The following DOCK1 variants were observed in gnomAD, a reference collection of about 807,000 sequenced individuals.
DOCK1 encodes the protein dedicator of cytokinesis 1.
DOCK1 carries 138 observed loss-of-function variants against 262.7 expected under a neutral mutation model. The observed-to-expected ratio is 0.53, with a 90% confidence interval of 0.46 to 0.61. DOCK1 has a LOEUF of 0.61. Among genes scored for constraint, DOCK1 ranks in the 20% least tolerant of loss-of-function variants. The pLI is 0.00. For synonymous variants in DOCK1, 866 were observed against 867.4 expected, an observed-to-expected ratio of 1.00 and a Z score of 0.03; for missense variants, 1,908 against 2,370.7, an observed-to-expected ratio of 0.80 and a Z score of 4.05.
At chr10:127,318,724 G>C (rs1175166213) in intron 29 of DOCK1, among the ~76,000 whole-genome samples, 1 of 152,208 alleles carries the variant, frequency 6.6e-6, no homozygotes, top group East Asian at 1.9e-4. Context: ...ATGTCGTGCT[G>C]AATAAGCCTG....
chr10:127,202,791 G>A (rs2057531872), intron 27 of DOCK1, among the ~76,000 whole-genome samples: 1 of 152,182 alleles, frequency 6.6e-6, no homozygotes, highest in African/African-American at 2.4e-5. Flanking sequence ...CCACAGATGT[G>A]GATCAGAGAA....
At chr10:127,196,954 C>T (rs1283752014) in intron 27 of DOCK1, among the ~76,000 whole-genome samples, 2 of 152,128 alleles carry the variant, frequency 1.3e-5, no homozygotes, top group Non-Finnish European at 2.9e-5. Context: ...GCATGACTGT[C>T]TGCTGTGCCA....
At position 127,439,115 on chromosome 10, in the gene DOCK1, G is replaced by T. The variant is rs2069896207; in HGVS notation, c.5149G>T (p.Asp1717Tyr). 1 of 1,586,248 alleles carries T rather than the reference G, an allele frequency of 6.3e-7. No homozygotes were observed. The highest frequency in any genetic ancestry group is 1.3e-5 in the African/African-American group (1 of 74,362). ...DKDDLEKEKK[D>Y]KKKEKRNSKH... ...GGATGACCTGGAGAAGGAGAAGAAG[G>T]ACAAGAAGAAGGAAAAAAGGAACAG... The change falls in exon 49 of 52, where the codon GAC (aspartate) becomes TAC (tyrosine). Residue 1717 changes from aspartate (D) to tyrosine (Y), a missense_variant. Around this residue, in one of 9 missense-constraint regions of DOCK1, gnomAD observed 383 missense variants for 420.1 expected, o/e 0.91. Transcript: ENST00000623213.
intron 27 of DOCK1, among the ~76,000 whole-genome samples, chr10:127,236,998 T>C (rs1410978236): frequency 2.0e-5 from 3 of 152,164 alleles, no homozygotes; most frequent in South Asian, 4.1e-4. Flanking sequence ...TGTCTGCCTT[T>C]GAAACCTTTA....
rs762821987 is a variant in DOCK1, at chr10:127,433,198, A to C, written c.4915-85A>C. 3.2e-6 allele frequency: 5 copies of C among 1,561,162 alleles called. No homozygotes were observed. In the African/African-American group the frequency reaches 4.1e-5, roughly 13 times the overall value. On this transcript the variant is annotated intron_variant, in intron 47 of 51. Coordinates refer to ENST00000623213, the MANE Select transcript of DOCK1 (RefSeq NM_001290223.2). ...AACGATGATGGTCTCGATTCCACAC[A>C]GCTAAGGCCACTTTATCTCAGGAGT...
At chr10:127,026,096 T>C in intron 15 of DOCK1, 1 of 418,056 alleles carries the variant, frequency 2.4e-6, no homozygotes, top group South Asian at 2.7e-5. Context: ...ATCTTAACAG[T>C]AATGGTCAGA....
intron 44 of DOCK1, among the ~76,000 whole-genome samples, chr10:127,416,655 G>A (rs1026869836): frequency 2.6e-5 from 4 of 152,212 alleles, no homozygotes; most frequent in African/African-American, 9.6e-5. Context: ...AACCCCCGTG[G>A]GATATCTGTG....
In DOCK1 at chr10:127,061,664, G is replaced by A; in HGVS notation, c.2337-4G>A. 6.3e-7 allele frequency: 1 copy of A among 1,591,612 alleles called. No individual in the cohort carries two copies. The highest frequency in any genetic ancestry group is 8.6e-7 in the Non-Finnish European group (1 of 1,168,588). ...GCCCCCACAGTTTGTGTGTTTCTTT[G>A]CAGACTGTATGAAAACAAGGGAGAG... On this transcript the variant is annotated splice_region_variant and splice_polypyrimidine_tract_variant and intron_variant, in intron 22 of 51. Transcript: ENST00000623213.
At chr10:127,418,954 G>A (rs2134469381) in intron 45 of DOCK1, among the ~76,000 whole-genome samples, 1 of 152,358 alleles carries the variant, frequency 6.6e-6, no homozygotes, top group African/African-American at 2.4e-5. Context: ...TCCTAGCTCT[G>A]TAGGAATGGG....
At chr10:127,087,309 A>G (rs1266616182) in intron 23 of DOCK1, among the ~76,000 whole-genome samples, 1 of 152,202 alleles carries the variant, frequency 6.6e-6, no homozygotes, top group Non-Finnish European at 1.5e-5. Flanking sequence ...GGATGCTGAG[A>G]AGTTCTGTGA....
At chr10:126,950,363 C>T (rs1485302711) in intron 1 of DOCK1, among the ~76,000 whole-genome samples, 2 of 152,114 alleles carry the variant, frequency 1.3e-5, no homozygotes, top group Admixed American at 1.3e-4. Flanking sequence ...GATTGGAGGT[C>T]TGGTCTGTGC....
In DOCK1 at chr10:127,285,287, G is replaced by C. The variant is rs536749910; in HGVS notation, c.3044+27858G>C. ...AAAAATAGCTTTTTATTTTAATTTT[G>C]ATTAGATTTGCATTAGAGCTCAGTA... On this transcript the variant is annotated intron_variant, in intron 29 of 51. Transcript: ENST00000623213. Among the ~76,000 whole-genome samples the C allele has an allele frequency of 2.0e-5, 3 of 152,200 alleles. No individual in the cohort carries two copies. In the South Asian group the frequency reaches 6.2e-4, roughly 32 times the overall value.
Position 127,248,000 on chromosome 10 carries a change from A to C in DOCK1, c.2848-8A>C. Reference sequence around the variant, plus strand: ...CTCATCTAATTCTATCTTTTGATTCATTTACAGGGAAACTTCGTGGCTTGC... The same window carrying C: ...CTCATCTAATTCTATCTTTTGATTCCTTTACAGGGAAACTTCGTGGCTTGC... On this transcript the variant is annotated splice_polypyrimidine_tract_variant and splice_region_variant and intron_variant, in intron 27 of 51. Coordinates refer to ENST00000623213, the MANE Select transcript of DOCK1 (RefSeq NM_001290223.2). 6.2e-7 allele frequency: 1 copy of C among 1,613,278 alleles called. No homozygotes were observed. The highest frequency in any genetic ancestry group is 1.1e-5 in the South Asian group (1 of 90,962).
intron 27 of DOCK1, among the ~76,000 whole-genome samples, chr10:127,232,610 T>C (rs2058892706): frequency 6.6e-6 from 1 of 152,216 alleles, no homozygotes; most frequent in African/African-American, 2.4e-5. Flanking sequence ...TTCGAACAAA[T>C]GCCTCCTGTT....
intron 30 of DOCK1, among the ~76,000 whole-genome samples, chr10:127,343,098 A>T (rs2063498899): frequency 6.6e-6 from 1 of 152,104 alleles, no homozygotes; most frequent in Admixed American, 6.5e-5. Context: ...TACAAAAATT[A>T]TCCAGGCATG....
rs139908768 is a variant in DOCK1 at position 127,272,980 on chromosome 10, G to T, written c.3044+15551G>T. On this transcript the variant is annotated intron_variant, in intron 29 of 51. Coordinates refer to ENST00000623213, the MANE Select transcript of DOCK1 (RefSeq NM_001290223.2). ...CACAACATGTGGGAATTCAAGATGA[G>T]ATTTGGGTGGGGACACAGGTCCCTC... Among the ~76,000 whole-genome samples the T allele has an allele frequency of 8.2e-3, 1,249 of 152,232 alleles. 8 individuals are homozygous for T. The highest frequency in any genetic ancestry group is 0.013 in the Non-Finnish European group (868 of 68,010).
chr10:126,930,328 T>G (rs1251945942), intron 1 of DOCK1, among the ~76,000 whole-genome samples: 5 of 152,200 alleles, frequency 3.3e-5, no homozygotes, highest in African/African-American at 1.2e-4. Flanking sequence ...GGAGTGGAAT[T>G]GCGGGGTCAC....
chr10:126,981,238 C>T (rs56221928), intron 3 of DOCK1, among the ~76,000 whole-genome samples: 143 of 152,244 alleles, frequency 9.4e-4, no homozygotes, highest in African/African-American at 1.8e-3. Context: ...TGCCTGGCCT[C>T]GGACCCAAAC....
In DOCK1 at chr10:127,359,155, A is replaced by G. The variant is rs939338135; in HGVS notation, c.3284-2909A>G. 2.0e-4 allele frequency among the ~76,000 whole-genome samples: 31 copies of G among 151,782 alleles called. 1 individual carries two copies. Among genetic ancestry groups the G allele is most frequent in the Admixed American group, 9.2e-4 (14 of 15,252 alleles). ...ATAATGCAAATGTCAAAAAAAAAAA[A>G]GGTGGCTACCAGAGAACATTCCCCA... On this transcript the variant is annotated intron_variant, in intron 32 of 51. Transcript: ENST00000623213.
Sources: gnomAD v4.1 joint callset for allele counts (sites outside exome capture counted in the v4.1 genomes callset) on GRCh38, gnomAD v4.1.1 for gene constraint, gnomAD v4.1.1 regional missense constraint, MANE v1.5 for transcripts, NCBI Gene and HGNC (gene_info 2026-07-23, HGNC 2026-07-21) for gene names.